Variants in ITPRID2 observed in about 807,000 individuals in gnomAD.
ITPRID2 encodes protein ITPRID2.
In ITPRID2, 60 loss-of-function variants were observed where a neutral mutation model predicts 124.3. That is an observed-to-expected ratio of 0.48 (90% CI 0.39 to 0.60). The LOEUF (loss-of-function observed/expected upper bound fraction) is 0.60, where lower values mean the gene tolerates loss of function less well. Ranked by LOEUF, ITPRID2 falls within the 20% of genes least tolerant of loss-of-function variation. The probability of loss-of-function intolerance (pLI) is 0.00; values close to 1 mark genes in which losing one functional copy is unlikely to be tolerated. For missense variants in ITPRID2, 1,553 were observed against 1,512.2 expected, an observed-to-expected ratio of 1.03 and a Z score of -0.45; for synonymous variants, 521 against 542.9, an observed-to-expected ratio of 0.96 and a Z score of 0.56.
chr2:181,914,604 G>A (rs1464195533), intron 10 of ITPRID2, among the ~76,000 whole-genome samples: 1 of 152,138 alleles, frequency 6.6e-6, no homozygotes, highest in Non-Finnish European at 1.5e-5. Flanking sequence ...ACTTTCAGAA[G>A]GTATGGAAGA....
rs1476911343 is a variant in ITPRID2, at chr2:181,919,466, G to A, written c.3144+20G>A. On this transcript the variant is annotated intron_variant, in intron 14 of 17. Coordinates refer to ENST00000431877, the MANE Select transcript of ITPRID2 (RefSeq NM_001130445.3). This position sits in a 1 kb window ranked among gnomAD's most constrained non-coding sequence, Gnocchi z 4.2. ...CTCATGGTACGCTACCTGGAGGGTG[G>A]TCGGAGTTTTCACCAAAGGTTTATT... The A allele has an allele frequency of 6.6e-7, 1 of 1,523,976 alleles. No homozygotes were observed. Among genetic ancestry groups the A allele is most frequent in the Non-Finnish European group, 8.8e-7 (1 of 1,138,702 alleles). The allele number at this position is 1,523,976 out of a possible 1,614,324, so 94.4% of individuals were successfully genotyped here.
rs906685374 is a variant in ITPRID2 at position 181,907,729 on chromosome 2, T to G, written c.1414-2170T>G. The stretch of plus-strand genomic sequence containing the variant: ...TGGTGTACCCCATCTCAAATTTGAC[T>G]GCCGCCTTTTGCACAATTGTGACCA... On this transcript the variant is annotated intron_variant, in intron 8 of 17. Coordinates refer to ENST00000431877, the MANE Select transcript of ITPRID2 (RefSeq NM_001130445.3). The surrounding 1 kb of genome is among the most constrained non-coding windows in gnomAD (Gnocchi z 5.1). Among the ~76,000 whole-genome samples, 1 of 152,192 alleles carries G rather than the reference T, an allele frequency of 6.6e-6. No individual in the cohort carries two copies. Among genetic ancestry groups the G allele is most frequent in the African/African-American group, 2.4e-5 (1 of 41,446 alleles).
Position 181,902,601 on chromosome 2 carries a change from T to C in ITPRID2, c.1413+135T>C, listed in dbSNP as rs1407036196. On this transcript the variant is annotated intron_variant, in intron 8 of 17. Coordinates refer to ENST00000431877, the MANE Select transcript of ITPRID2 (RefSeq NM_001130445.3). This position sits in a 1 kb window ranked among gnomAD's most constrained non-coding sequence, Gnocchi z 4.4. ...TTCTAATTTTGACTTTCCAGGTTTA[T>C]GTTTCACAAACCAAGAATTGGTCTC... 1.5e-6 allele frequency: 1 copy of C among 683,040 alleles called. No homozygotes were observed. The highest frequency in any genetic ancestry group is 2.3e-6 in the Non-Finnish European group (1 of 434,032). The allele number at this position is 683,040 out of a possible 1,614,324, so 42.3% of individuals were successfully genotyped here.
chr2:181,893,743 G>T (rs1044059717), intron 2 of ITPRID2: 1 of 152,172 alleles, frequency 6.6e-6, no homozygotes, highest in Non-Finnish European at 1.5e-5. Context: ...TTACAATCTA[G>T]CTGTAAATCA....
intron 16 of ITPRID2, among the ~76,000 whole-genome samples, chr2:181,922,749 T>C (rs1005051860): frequency 1.5e-4 from 23 of 152,126 alleles, no homozygotes; most frequent in African/African-American, 5.6e-4. Flanking sequence ...TTTAGATCTC[T>C]TCGAGGATTA....
intron 2 of ITPRID2, chr2:181,893,710 C>T (rs1298714057): frequency 6.6e-6 from 1 of 152,174 alleles, no homozygotes; most frequent in South Asian, 2.1e-4. Flanking sequence ...AAATACACTG[C>T]TTGAAGTCCT....
intron 9 of ITPRID2, among the ~76,000 whole-genome samples, chr2:181,913,540 G>A (rs558989928): frequency 9.9e-5 from 15 of 152,052 alleles, no homozygotes; most frequent in African/African-American, 3.4e-4. Flanking sequence ...TTCCTCCAAG[G>A]ATAAAACATT....
Position 181,922,056 on chromosome 2 carries a change from T to A in ITPRID2, c.3319T>A (p.Ser1107Thr), listed in dbSNP as rs138326546. 444 of 1,614,260 alleles carry A rather than the reference T, an allele frequency of 2.8e-4. No individual in the cohort carries two copies. Among genetic ancestry groups the A allele is most frequent in the Middle Eastern group, 6.6e-4 (4 of 6,062 alleles). Reference protein sequence around the residue: ...PPGESSESVFSQATSESSSVC... With the variant: ...PPGESSESVFTQATSESSSVC... ...TGGAGAAAGCTCAGAATCTGTTTTT[T>A]CCCAAGCAACATCAGAATCATCTTC... Residue 1107 changes from serine (S) to threonine (T), a missense_variant, in exon 16 of 18, where the codon TCC (serine) becomes ACC (threonine). By Grantham distance (58) the Ser-to-Thr change is moderately conservative. Coordinates refer to ENST00000431877, the MANE Select transcript of ITPRID2 (RefSeq NM_001130445.3).
chr2:181,913,023 T>C (rs1184691677), intron 9 of ITPRID2, among the ~76,000 whole-genome samples: 1 of 152,224 alleles, frequency 6.6e-6, no homozygotes, highest in Non-Finnish European at 1.5e-5. Flanking sequence ...TTAAGTATGC[T>C]TGCATTTCAG....
chr2:181,917,087 A>G (rs1434861820), intron 11 of ITPRID2: 17 of 912,958 alleles, frequency 1.9e-5, no homozygotes, highest in Non-Finnish European at 2.2e-5. Context: ...TAGACTGGAA[A>G]TAATTTTCCC....
intron 16 of ITPRID2, among the ~76,000 whole-genome samples, chr2:181,924,852 C>T (rs1198602346): frequency 6.6e-6 from 1 of 152,168 alleles, no homozygotes; most frequent in African/African-American, 2.4e-5. Context: ...GAAAAAAGTA[C>T]ACACTGTCTT....
chr2:181,924,617 C>G (rs80021230), intron 16 of ITPRID2, among the ~76,000 whole-genome samples: 5,569 of 152,242 alleles, frequency 0.037, 138 homozygotes, highest in East Asian at 0.1. Flanking sequence ...TTCATGGATG[C>G]ATGAAAACAA....
intron 6 of ITPRID2, among the ~76,000 whole-genome samples, chr2:181,900,172 G>C (rs1574214811): frequency 6.6e-6 from 1 of 152,296 alleles, no homozygotes; most frequent in Non-Finnish European, 1.5e-5. Context: ...GAGTGGAAGT[G>C]GTTGGAGAGA....
rs1476774892 is a variant in ITPRID2 at position 181,892,309 on chromosome 2, G to C, written c.211+32G>C. ...GCTCCCGGCCGGGCTCCGGGGGGAGGCTGGTGGGCTGGGGAGAGTCTCGTG... is the reference window on the plus strand; with the variant it reads ...GCTCCCGGCCGGGCTCCGGGGGGAGCCTGGTGGGCTGGGGAGAGTCTCGTG... On this transcript the variant is annotated intron_variant, in intron 1 of 17. Coordinates refer to ENST00000431877, the MANE Select transcript of ITPRID2 (RefSeq NM_001130445.3). The surrounding 1 kb of genome is among the most constrained non-coding windows in gnomAD (Gnocchi z 5.2). 1 of 1,523,368 alleles carries C rather than the reference G, an allele frequency of 6.6e-7. No individual in the cohort carries two copies. Among genetic ancestry groups the C allele is most frequent in the Admixed American group, 2.0e-5 (1 of 50,028 alleles). The allele number at this position is 1,523,368 out of a possible 1,614,324, so 94.4% of individuals were successfully genotyped here.
chr2:181,898,954 A>G, intron 5 of ITPRID2, 35 bp downstream of exon 5: 1 of 1,600,534 alleles, frequency 6.2e-7, no homozygotes, highest in Non-Finnish European at 8.6e-7. Context: ...CTTTTAAAAA[A>G]TGAAGACCTT....
chr2:181,913,085 TGAGACG>T (rs1462672561), intron 9 of ITPRID2, among the ~76,000 whole-genome samples: 1 of 152,126 alleles, frequency 6.6e-6, no homozygotes. Flanking sequence ...TTATTTTTTT[TGAGACG>T]GAGTCTTGCT....
Position 181,919,351 on chromosome 2 carries a change from G to A in ITPRID2, c.3049G>A (p.Asp1017Asn). 3 of 1,614,142 alleles carry A rather than the reference G, an allele frequency of 1.9e-6. No homozygotes were observed. Among genetic ancestry groups the A allele is most frequent in the East Asian group, 2.2e-5 (1 of 44,890 alleles). ...LRNSVRMELQ[D>N]LELQLEERLL... ...AAATTCAGTCCGAATGGAACTTCAG[G>A]ACCTGGAACTGCAGCTGGAGGAGCG... Residue 1017 changes from aspartate to asparagine, a missense_variant, in exon 14 of 18, where the codon GAC becomes AAC. Physicochemically the swap from Asp to Asn is conservative, Grantham distance 23. Transcript: ENST00000431877. This position sits in a 1 kb window ranked among gnomAD's most constrained non-coding sequence, Gnocchi z 4.2.
At chr2:181,911,107 G>T (rs1459516323) in intron 9 of ITPRID2, among the ~76,000 whole-genome samples, 1 of 152,064 alleles carries the variant, frequency 6.6e-6, no homozygotes, top group Non-Finnish European at 1.5e-5. Flanking sequence ...TTCATATCTG[G>T]GTTTTTTCCT....
intron 9 of ITPRID2, among the ~76,000 whole-genome samples, chr2:181,913,073 A>ATT (rs111464954): frequency 9.2e-5 from 14 of 151,358 alleles, no homozygotes; most frequent in African/African-American, 3.2e-4. Context: ...TTATTTATTT[A>ATT]TTTATTTTTT....
Sources: gnomAD v4.1 joint callset for allele counts (sites outside exome capture counted in the v4.1 genomes callset) on GRCh38, gnomAD v4.1.1 for gene constraint, Gnocchi (gnomAD v3.1) non-coding constraint, MANE v1.5 for transcripts, NCBI Gene and HGNC (gene_info 2026-07-23, HGNC 2026-07-21) for gene names.